VPS8: variants seen among roughly 807,000 people sequenced by gnomAD.
The protein encoded by VPS8 is VPS8 subunit of CORVET complex, also known as vacuolar protein sorting-associated protein 8 homolog.
A neutral mutation model predicts 216.4 loss-of-function variants in VPS8; 129 were observed. The ratio of observed to expected loss-of-function variants is 0.60; its 90% CI spans 0.52 to 0.69. The LOEUF (loss-of-function observed/expected upper bound fraction) is 0.69, where lower values mean the gene tolerates loss of function less well. Among genes scored for constraint, VPS8 ranks in the 30% least tolerant of loss-of-function variants. The pLI is 0.00. For synonymous variants in VPS8, 571 were observed against 565.4 expected (o/e 1.01, Z -0.14); for missense variants, 1,531 against 1,683.5 (o/e 0.91, Z 1.59).
intron 47 of VPS8, among the ~76,000 whole-genome samples, chr3:185,050,123 ATT>A (rs397939506): frequency 1.6e-4 from 22 of 139,278 alleles, no homozygotes; most frequent in Non-Finnish European, 1.7e-4. Flanking sequence ...CTGGGAAATA[ATT>A]TTTTTTTTTT....
intron 3 of VPS8, among the ~76,000 whole-genome samples, chr3:184,830,553 G>A (rs916628419): frequency 6.6e-6 from 1 of 152,046 alleles, no homozygotes; most frequent in Admixed American, 6.6e-5. Context: ...TACTTTTACT[G>A]TGTAGCAGTA....
At chr3:185,001,541 G>T (rs954716499) in intron 45 of VPS8, among the ~76,000 whole-genome samples, 1 of 152,170 alleles carries the variant, frequency 6.6e-6, no homozygotes, top group Non-Finnish European at 1.5e-5. Context: ...CACCTTCCTA[G>T]CACATCAATG....
chr3:184,838,847 A>C, intron 6 of VPS8, 101 bp downstream of exon 6: 1 of 937,888 alleles, frequency 1.1e-6, no homozygotes, highest in East Asian at 3.0e-5. Context: ...TTGTTATGGT[A>C]ATAAATTCAC....
At chr3:184,999,913 A>C in intron 45 of VPS8, 52 bp downstream of exon 45, 28 of 1,543,336 alleles carry the variant, frequency 1.8e-5, no homozygotes, top group East Asian at 6.8e-5. Context: ...TACCAATGTC[A>C]TTTGGGCCTG....
chr3:184,813,684 T>C (rs1313590107), intron 1 of VPS8: 1 of 152,248 alleles, frequency 6.6e-6, no homozygotes, highest in East Asian at 1.9e-4. Flanking sequence ...TTTCTTTATA[T>C]TTAATATATT....
chr3:184,957,529 G>A lies in VPS8; in HGVS notation c.3183+8G>A, dbSNP rs774404854. On this transcript the variant is annotated splice_region_variant and intron_variant, in intron 37 of 47. Transcript: ENST00000625842. ...CTGGAAGAAACTATTCAGGTGAGAC[G>A]AACAATGTAAAAGAGACAAGAGTAA... 35 of 1,604,608 alleles carry A rather than the reference G, an allele frequency of 2.2e-5. 1 individual carries two copies. The highest frequency in any genetic ancestry group is 1.6e-4 in the South Asian group (14 of 88,822).
At chr3:185,016,170 G>A (rs933362113) in intron 45 of VPS8, among the ~76,000 whole-genome samples, 1 of 152,168 alleles carries the variant, frequency 6.6e-6, no homozygotes, top group Non-Finnish European at 1.5e-5. Flanking sequence ...AGTAATTTTT[G>A]AAAGCCATCT....
intron 24 of VPS8, among the ~76,000 whole-genome samples, chr3:184,899,289 C>G (rs191072418): frequency 6.6e-6 from 1 of 152,284 alleles, no homozygotes; most frequent in Admixed American, 6.5e-5. Context: ...ACATGTAGTG[C>G]CCTCCTAGCC....
At chr3:185,029,832 G>T (rs890575134) in intron 46 of VPS8, among the ~76,000 whole-genome samples, 19 of 152,184 alleles carry the variant, frequency 1.2e-4, no homozygotes, top group Non-Finnish European at 2.5e-4. Context: ...CCAGAGTGCT[G>T]GGATTACAGG....
intron 40 of VPS8, among the ~76,000 whole-genome samples, chr3:184,974,674 T>A (rs1748972703): frequency 6.6e-6 from 1 of 152,096 alleles, no homozygotes. Flanking sequence ...TTTCTTCCAG[T>A]AGTTGTATGC....
chr3:184,859,755 A>G (rs1232891347), intron 14 of VPS8, among the ~76,000 whole-genome samples: 10 of 152,224 alleles, frequency 6.6e-5, no homozygotes, highest in Admixed American at 6.5e-4. Context: ...ATTTGTCAGT[A>G]CTGACAACTA....
intron 22 of VPS8, among the ~76,000 whole-genome samples, chr3:184,890,563 T>G (rs190635521): frequency 3.0e-4 from 46 of 152,272 alleles, no homozygotes; most frequent in Non-Finnish European, 1.0e-4. Context: ...CCTCATAGTT[T>G]CATAACTCAG....
At chr3:184,929,058 G>A (rs1331314442) in intron 32 of VPS8, among the ~76,000 whole-genome samples, 3 of 152,016 alleles carry the variant, frequency 2.0e-5, no homozygotes, top group South Asian at 2.1e-4. Flanking sequence ...TTTGTATTCA[G>A]CATTGAAATT....
intron 40 of VPS8, among the ~76,000 whole-genome samples, chr3:184,974,735 A>T (rs1748981582): frequency 6.6e-6 from 1 of 152,076 alleles, no homozygotes; most frequent in South Asian, 2.1e-4. Context: ...AGTTTTGTAT[A>T]TTGTGAGATA....
At chr3:184,885,706 C>T (rs1731087783) in intron 21 of VPS8, among the ~76,000 whole-genome samples, 1 of 152,040 alleles carries the variant, frequency 6.6e-6, no homozygotes. Flanking sequence ...ATTGTAAACT[C>T]TTGATAAGCT....
chr3:184,920,414 A>G (rs958986327), intron 29 of VPS8, among the ~76,000 whole-genome samples: 6 of 152,160 alleles, frequency 3.9e-5, no homozygotes, highest in Non-Finnish European at 8.8e-5. Flanking sequence ...TGGGGACCGG[A>G]ATAGAGGGCA....
intron 1 of VPS8, among the ~76,000 whole-genome samples, chr3:184,815,467 C>G (rs1716112297): frequency 6.6e-6 from 1 of 152,040 alleles, no homozygotes; most frequent in Admixed American, 6.6e-5. Context: ...TGTGGTCTGT[C>G]GTTGACCCAA....
At chr3:184,879,358 T>C (rs527384834) in intron 21 of VPS8, among the ~76,000 whole-genome samples, 213 of 152,312 alleles carry the variant, frequency 1.4e-3, no homozygotes, top group African/African-American at 5.0e-3. Context: ...GTTACTTGTT[T>C]TCTTTTTTTT....
At chr3:184,892,799 C>T (rs1434777040) in intron 22 of VPS8, among the ~76,000 whole-genome samples, 1 of 152,184 alleles carries the variant, frequency 6.6e-6, no homozygotes. Context: ...GAATTTTTAG[C>T]TCTCTTTAAT....
Sources: gnomAD v4.1 joint callset for allele counts (sites outside exome capture counted in the v4.1 genomes callset) on GRCh38, gnomAD v4.1.1 for gene constraint, MANE v1.5 for transcripts, NCBI Gene and HGNC (gene_info 2026-07-23, HGNC 2026-07-21) for gene names.